Variants in PLXNA4 observed in about 807,000 individuals in gnomAD.
PLXNA4 encodes the protein plexin A4.
In PLXNA4, 44 loss-of-function variants were observed where a neutral mutation model predicts 191.8. The observed-to-expected ratio is 0.23, with a 90% confidence interval of 0.18 to 0.29. PLXNA4 has a LOEUF of 0.29. PLXNA4 is among the 10% of genes least tolerant of loss of function. The pLI, the probability that PLXNA4 is intolerant of heterozygous loss-of-function variation, is 1.00. For missense variants in PLXNA4, 1,800 were observed against 2,488.8 expected (o/e 0.72, Z 5.89); for synonymous variants, 1,082 against 1,009.5 (o/e 1.07, Z -1.36).
chr7:132,371,064 G>T (rs1410620286), intron 3 of PLXNA4, among the ~76,000 whole-genome samples: 1 of 152,166 alleles, frequency 6.6e-6, no homozygotes, highest in Non-Finnish European at 1.5e-5. Flanking sequence ...GAAGCACATG[G>T]AGTGGGAAAG....
At chr7:132,287,871 C>T (rs1800742243) in intron 4 of PLXNA4, among the ~76,000 whole-genome samples, 1 of 152,156 alleles carries the variant, frequency 6.6e-6, no homozygotes, top group African/African-American at 2.4e-5. Flanking sequence ...AGAAGTAAAC[C>T]AAGGGACCTC....
chr7:132,377,289 G>A (rs964455180), intron 3 of PLXNA4, among the ~76,000 whole-genome samples: 1 of 152,076 alleles, frequency 6.6e-6, no homozygotes, highest in Admixed American at 6.5e-5. Context: ...CAATCCTAAA[G>A]ATAATTTTTT....
At chr7:132,539,011 T>C (rs1563159656) in intron 1 of PLXNA4, among the ~76,000 whole-genome samples, 2 of 152,324 alleles carry the variant, frequency 1.3e-5, no homozygotes, top group Non-Finnish European at 2.9e-5. Flanking sequence ...ACATCTTCTA[T>C]GACTTTTTAA....
intron 3 of PLXNA4, among the ~76,000 whole-genome samples, chr7:132,482,836 G>T (rs553293123): frequency 5.3e-4 from 80 of 152,112 alleles, no homozygotes; most frequent in African/African-American, 1.7e-3. Flanking sequence ...GGGATTACAG[G>T]TGTGCACCAT....
chr7:132,547,332 G>A (rs1800351745), intron 1 of PLXNA4, among the ~76,000 whole-genome samples: 1 of 152,160 alleles, frequency 6.6e-6, no homozygotes, highest in South Asian at 2.1e-4. Flanking sequence ...GATGTGAATT[G>A]AACTTTAATC....
At chr7:132,435,388 AG>A (rs2117216465) in intron 3 of PLXNA4, among the ~76,000 whole-genome samples, 1 of 152,230 alleles carries the variant, frequency 6.6e-6, no homozygotes, top group Admixed American at 6.5e-5. Flanking sequence ...CTCAGACTGC[AG>A]CCTGTTCTAA....
intron 1 of PLXNA4, among the ~76,000 whole-genome samples, chr7:132,529,926 T>C (rs1318796393): frequency 6.6e-6 from 1 of 152,150 alleles, no homozygotes; most frequent in Non-Finnish European, 1.5e-5. Flanking sequence ...TATTCTTATA[T>C]GCAGCCAGAG....
At chr7:132,513,355 C>T (rs1020683867) in intron 1 of PLXNA4, among the ~76,000 whole-genome samples, 1 of 150,860 alleles carries the variant, frequency 6.6e-6, no homozygotes, top group Non-Finnish European at 1.5e-5. Context: ...TTCATGACAA[C>T]CCTGTTAGGT....
intron 3 of PLXNA4, among the ~76,000 whole-genome samples, chr7:132,436,523 C>T (rs539936449): frequency 7.8e-4 from 119 of 152,330 alleles, no homozygotes; most frequent in Middle Eastern, 6.8e-3. Context: ...AATGGAAACA[C>T]AGCAGAAGGA....
At chr7:132,606,291 C>T (rs1011849062) in intron 2 of PLXNA4, among the ~76,000 whole-genome samples, 2 of 152,188 alleles carry the variant, frequency 1.3e-5, no homozygotes, top group Non-Finnish European at 2.9e-5. Flanking sequence ...AGAATTCCAG[C>T]CTTCAGAGCT....
Position 132,477,726 on chromosome 7 carries a change from G to T in PLXNA4, c.1371+11566C>A, listed in dbSNP as rs542074764. Among the ~76,000 whole-genome samples, 375 of 152,210 alleles carry T rather than the reference G, an allele frequency of 2.5e-3. 2 individuals are homozygous for T. The highest frequency in any genetic ancestry group is 8.2e-3 in the African/African-American group (341 of 41,504). ...GCACCTTCAGTTTAATTGGAAGAAGGTATAAACACACTGGGGAAATAGATC... is the reference window on the plus strand; with the variant it reads ...GCACCTTCAGTTTAATTGGAAGAAGTTATAAACACACTGGGGAAATAGATC... On this transcript the variant is annotated intron_variant, in intron 3 of 31. Transcript: ENST00000321063.
chr7:132,382,700 G>T (rs1051034935), intron 3 of PLXNA4, among the ~76,000 whole-genome samples: 1 of 152,146 alleles, frequency 6.6e-6, no homozygotes, highest in East Asian at 1.9e-4. Flanking sequence ...GCAATGATAC[G>T]CTGCCCTTTG....
At position 132,420,375 on chromosome 7, in the gene PLXNA4, C is replaced by T. The variant is rs550979725; in HGVS notation, c.1371+68917G>A. 3.9e-5 allele frequency among the ~76,000 whole-genome samples: 6 copies of T among 152,284 alleles called. No individual in the cohort carries two copies. In the South Asian group the frequency reaches 1.2e-3, roughly 32 times the overall value. Reference sequence around the variant, plus strand: ...CCAGGGGACAGCAAGAGAGCCTCTGCCCTTTCTAATACTTTTCTTGGCTCA... The same window carrying T: ...CCAGGGGACAGCAAGAGAGCCTCTGTCCTTTCTAATACTTTTCTTGGCTCA... On this transcript the variant is annotated intron_variant, in intron 3 of 31. Transcript: ENST00000321063.
At chr7:132,602,332 A>G (rs1802835937) in intron 2 of PLXNA4, among the ~76,000 whole-genome samples, 1 of 152,178 alleles carries the variant, frequency 6.6e-6, no homozygotes, top group South Asian at 2.1e-4. Context: ...ATGGCTTTGC[A>G]GGGAGGTTTG....
intron 3 of PLXNA4, among the ~76,000 whole-genome samples, chr7:132,480,369 T>C (rs1289738870): frequency 1.3e-5 from 2 of 152,198 alleles, no homozygotes; most frequent in Non-Finnish European, 2.9e-5. Context: ...ACAAGGAGAC[T>C]GGCTAATTAG....
intron 12 of PLXNA4, among the ~76,000 whole-genome samples, chr7:132,199,027 C>T (rs928581518): frequency 6.6e-6 from 1 of 152,242 alleles, no homozygotes; most frequent in Admixed American, 6.5e-5. Flanking sequence ...CCCCCTACAC[C>T]TATGTGACCC....
chr7:132,297,401 C>G (rs1321964723), intron 4 of PLXNA4, among the ~76,000 whole-genome samples: 2 of 152,112 alleles, frequency 1.3e-5, no homozygotes, highest in Non-Finnish European at 2.9e-5. Flanking sequence ...CTTCCTTTGC[C>G]TGCTGCAGAC....
At chr7:132,189,105 A>G (rs960660156) in intron 14 of PLXNA4, among the ~76,000 whole-genome samples, 3 of 151,194 alleles carry the variant, frequency 2.0e-5, no homozygotes, top group African/African-American at 7.3e-5. Flanking sequence ...GGATGGTCCT[A>G]AAGAGACAGA....
chr7:132,268,835 G>A (rs1200929327), intron 4 of PLXNA4, among the ~76,000 whole-genome samples: 1 of 152,112 alleles, frequency 6.6e-6, no homozygotes, highest in African/African-American at 2.4e-5. Context: ...GTGAATGTGT[G>A]GTGTGGGGAA....
Sources: gnomAD v4.1 joint callset for allele counts (sites outside exome capture counted in the v4.1 genomes callset) on GRCh38, gnomAD v4.1.1 for gene constraint, MANE v1.5 for transcripts, NCBI Gene and HGNC (gene_info 2026-07-23, HGNC 2026-07-21) for gene names.